UBTF: variants seen among roughly 807,000 people sequenced by gnomAD.
The protein encoded by UBTF is upstream binding transcription factor.
A neutral mutation model predicts 112.3 loss-of-function variants in UBTF; 8 were observed. That is an observed-to-expected ratio of 0.07 (90% CI 0.04 to 0.13). The LOEUF is 0.13. Ranked by LOEUF, UBTF falls within the 10% of genes least tolerant of loss-of-function variation. The probability of loss-of-function intolerance (pLI) is 1.00; values close to 1 mark genes in which losing one functional copy is unlikely to be tolerated. For missense variants in UBTF, 457 were observed against 982.1 expected, an observed-to-expected ratio of 0.47 and a Z score of 7.15; for synonymous variants, 417 against 373.1, an observed-to-expected ratio of 1.12 and a Z score of -1.36.
At chr17:44,213,486 G>GT in intron 5 of UBTF, 1 of 551,690 alleles carries the variant, frequency 1.8e-6, no homozygotes, top group East Asian at 2.9e-5. Context: ...GGGAGCTGCA[G>GT]GGGTCGCCCA....
intron 1 of UBTF, 128 bp from the exon 2 acceptor site, chr17:44,218,424 T>C: frequency 1.7e-6 from 1 of 589,644 alleles, no homozygotes. Context: ...TTATTAGACT[T>C]AAGGGGTCTA....
chr17:44,209,948 C>T (rs1307738201), intron 15 of UBTF, among the ~76,000 whole-genome samples, 176 bp downstream of exon 15: 1 of 152,158 alleles, frequency 6.6e-6, no homozygotes. Flanking sequence ...TCCGAGTCAG[C>T]CTGGAGGTTA....
intron 3 of UBTF, 123 bp downstream of exon 3, chr17:44,216,406 C>A: frequency 4.2e-6 from 5 of 1,184,104 alleles, no homozygotes; most frequent in Non-Finnish European, 1.2e-6. Flanking sequence ...AGGTAGAGAG[C>A]TAACGGGAGA....
At chr17:44,210,665 G>T in intron 13 of UBTF, 127 bp downstream of exon 13, 1 of 1,403,602 alleles carries the variant, frequency 7.1e-7, no homozygotes, top group Non-Finnish European at 9.3e-7. Context: ...CTGGGCGCCG[G>T]CCCCACGTCC....
chr17:44,210,333 G>A lies in UBTF; in HGVS notation c.1500C>T (p.Tyr500=). 6.2e-7 allele frequency: 1 copy of A among 1,614,270 alleles called. No homozygotes were observed. The highest frequency in any genetic ancestry group is 8.5e-7 in the Non-Finnish European group (1 of 1,180,050). Residue 500 remains tyrosine, a synonymous_variant, in exon 14 of 21, where the codon TAC becomes TAT. Transcript: ENST00000436088. ...EIWQQSVIGD[Y]LARFKNDRVK... Reference sequence around the variant, plus strand: ...CCCCTGTCACCTTGAAGCGGGCCAGGTAGTCGCCGATAACGCTCTGTTGCC... The same window carrying A: ...CCCCTGTCACCTTGAAGCGGGCCAGATAGTCGCCGATAACGCTCTGTTGCC...
intron 1 of UBTF, chr17:44,219,152 G>T (rs968094586): frequency 2.0e-5 from 3 of 150,642 alleles, no homozygotes; most frequent in Non-Finnish European, 4.4e-5. Context: ...GCCGGGAGGC[G>T]GGGGCGCAGC....
chr17:44,214,923 A>G (rs1279466125), intron 5 of UBTF, among the ~76,000 whole-genome samples: 2 of 151,812 alleles, frequency 1.3e-5, no homozygotes, highest in East Asian at 3.9e-4. Context: ...GGCTCCTCCA[A>G]TGTTTTGCTG....
intron 5 of UBTF, 163 bp from the exon 6 acceptor site, chr17:44,213,445 A>C (rs1164270582): frequency 1.5e-6 from 1 of 680,378 alleles, no homozygotes; most frequent in East Asian, 2.8e-5. Flanking sequence ...CTCACCACAG[A>C]GCAGACCTGC....
At position 44,207,546 on chromosome 17, in the gene UBTF, C is replaced by T. The variant is rs1156508911; in HGVS notation, c.2077G>A (p.Glu693Lys). ...EDEDDEDEDE[E>K]EEDDENGDSS... is the part of the protein sequence containing the mutation. The stretch of plus-strand genomic sequence containing the variant: ...TCCCCATTCTCATCATCTTCCTCTT[C>T]TTCATCCTCGTCCTCGTCATCCTCA... The change falls in exon 20 of 21, where the codon GAA becomes AAA. Residue 693 changes from glutamate (E) to lysine (K), a missense_variant. Physicochemically the swap from Glu to Lys is moderately conservative, Grantham distance 56. Transcript: ENST00000436088. 2 of 1,613,986 alleles carry T rather than the reference C, an allele frequency of 1.2e-6. No homozygotes were observed. The highest frequency in any genetic ancestry group is 1.3e-5 in the African/African-American group (1 of 74,894).
At position 44,210,915 on chromosome 17, in the gene UBTF, C is replaced by G; in HGVS notation, c.1236G>C (p.Ser412=). The G allele has an allele frequency of 6.2e-7, 1 of 1,606,954 alleles. No homozygotes were observed. The highest frequency in any genetic ancestry group is 1.7e-4 in the Middle Eastern group (1 of 5,986). ...TCTCCTCCGAGAAGATGAACATGGC[C>G]GACACGGGCCGCTTGGGCTTCTCGG... ...GGSEKPKRPV[S]AMFIFSEEKR... is the part of the protein sequence containing the mutation. The change falls in exon 13 of 21, where the codon TCG becomes TCC. Residue 412 remains serine (S), a synonymous_variant. Transcript: ENST00000436088.
chr17:44,214,012 T>G (rs2046717119), intron 5 of UBTF, among the ~76,000 whole-genome samples: 1 of 151,900 alleles, frequency 6.6e-6, no homozygotes, highest in African/African-American at 2.4e-5. Context: ...ACTCCCTCCC[T>G]GCATCTTTCC....
Position 44,211,761 on chromosome 17 carries a change from G to A in UBTF, c.906-14C>T, listed in dbSNP as rs200029530. 4.6e-4 allele frequency: 730 copies of A among 1,603,234 alleles called. 1 individual carries two copies. Among genetic ancestry groups the A allele is most frequent in the Non-Finnish European group, 1.3e-4 (154 of 1,177,540 alleles). On this transcript the variant is annotated splice_polypyrimidine_tract_variant and intron_variant, in intron 9 of 20. Transcript: ENST00000436088. The surrounding 1 kb of genome is among the most constrained non-coding windows in gnomAD (Gnocchi z 4.9). ...GAGTAGCTGTTCCTATCAGAGCCGC[G>A]GGGAGAGAGGTGCAGCCCGTAAGCG...
chr17:44,212,505 G>A (rs761207582), intron 7 of UBTF, 51 bp from the exon 8 acceptor site: 10 of 1,049,116 alleles, frequency 9.5e-6, no homozygotes, highest in Admixed American at 2.0e-5. Context: ...GGCAGGGGGA[G>A]GGGGGAAGGG....
In UBTF at chr17:44,218,280, G is replaced by C. The variant is rs1016343102; in HGVS notation, c.-51C>G. ...GGTCGTGCTGGCCGGGCAACCCGGG[G>C]TCAAAGCCACCTCACCCTTTGGAAG... On this transcript the variant is annotated 5_prime_UTR_variant, in exon 2 of 21. Coordinates refer to ENST00000436088, the MANE Select transcript of UBTF (RefSeq NM_014233.4). The C allele has an allele frequency of 6.9e-6, 11 of 1,600,470 alleles. No individual in the cohort carries two copies. The highest frequency in any genetic ancestry group is 3.4e-5 in the Admixed American group (2 of 59,290).
intron 5 of UBTF, among the ~76,000 whole-genome samples, chr17:44,213,807 T>C (rs1274742413): frequency 6.6e-6 from 1 of 151,592 alleles, no homozygotes; most frequent in African/African-American, 2.4e-5. Flanking sequence ...CCAGAGCGAG[T>C]TCTTCCAATA....
chr17:44,208,510 CAG>C (rs34575453), intron 17 of UBTF: 52,519 of 153,866 alleles, frequency 0.34, 10,149 homozygotes, highest in East Asian at 0.69. Context: ...AAGCTCCTAT[CAG>C]AGTCTTCCTC....
Position 44,212,018 on chromosome 17 carries a change from G to A in UBTF, c.772-12C>T, listed in dbSNP as rs1182521867. 1 of 1,612,446 alleles carries A rather than the reference G, an allele frequency of 6.2e-7. No homozygotes were observed. The highest frequency in any genetic ancestry group is 1.7e-5 in the Admixed American group (1 of 59,964). ...TCTCTCATGATCTCCTGCAGAGCCA[G>A]GTGGGGGGACGGAGGGCAATGGGGT... On this transcript the variant is annotated splice_polypyrimidine_tract_variant and intron_variant, in intron 8 of 20. Transcript: ENST00000436088.
In UBTF at chr17:44,207,061, G is replaced by C; in HGVS notation, c.*181C>G. 1 of 669,164 alleles carries C rather than the reference G, an allele frequency of 1.5e-6. No homozygotes were observed. The highest frequency in any genetic ancestry group is 1.9e-5 in the South Asian group (1 of 51,300). 41.5% of individuals were successfully genotyped at this position (669,164 alleles called of 1,614,324 possible). ...GGGCTGATGTCTCTGAGGCTGCAGAGTCCTGGCCTGGGCTCCTCCAGCCCC... is the reference window on the plus strand; with the variant it reads ...GGGCTGATGTCTCTGAGGCTGCAGACTCCTGGCCTGGGCTCCTCCAGCCCC... On this transcript the variant is annotated 3_prime_UTR_variant, in exon 21 of 21. Coordinates refer to ENST00000436088, the MANE Select transcript of UBTF (RefSeq NM_014233.4).
At chr17:44,217,495 C>G (rs754025124) in intron 2 of UBTF, among the ~76,000 whole-genome samples, 11 of 152,208 alleles carry the variant, frequency 7.2e-5, no homozygotes, top group Non-Finnish European at 1.6e-4. Context: ...CTCTAGGCCA[C>G]TGTGGATGGG....
Sources: allele counts gnomAD v4.1 joint callset (sites outside exome capture counted in the v4.1 genomes callset), GRCh38; gene constraint gnomAD v4.1.1; non-coding constraint Gnocchi (gnomAD v3.1); transcripts MANE v1.5; gene names NCBI Gene and HGNC (gene_info 2026-07-23, HGNC 2026-07-21).